Variants in ATP8A1 observed in about 807,000 individuals in gnomAD.
ATP8A1 encodes the protein ATPase phospholipid transporting 8A1.
ATP8A1 carries 90 observed loss-of-function variants against 177.7 expected under a neutral mutation model. That is an observed-to-expected ratio of 0.51 (90% confidence interval 0.43 to 0.60). The LOEUF (loss-of-function observed/expected upper bound fraction) is 0.60. Ranked by LOEUF, ATP8A1 falls within the 20% of genes least tolerant of loss-of-function variation. The pLI, the probability that ATP8A1 is intolerant of heterozygous loss-of-function variation, is 0.00. For synonymous variants in ATP8A1, 493 were observed against 485.9 expected (o/e 1.01, Z -0.19); for missense variants, 1,072 against 1,392.8 (o/e 0.77, Z 3.67).
At chr4:42,636,156 A>ACACACACGCGCGTGCGCGCGCGCG (rs565139270) in intron 1 of ATP8A1, among the ~76,000 whole-genome samples, 6 of 90,898 alleles carry the variant, frequency 6.6e-5, no homozygotes, top group Admixed American at 1.2e-4. Flanking sequence ...ACACACACAC[A>ACACACACGCGCGTGCGCGCGCGCG]CGCACACACA....
chr4:42,442,743 G>T (rs1245954748), intron 33 of ATP8A1, among the ~76,000 whole-genome samples: 1 of 152,168 alleles, frequency 6.6e-6, no homozygotes, highest in Non-Finnish European at 1.5e-5. Flanking sequence ...GCAGTACTTA[G>T]GGGCAACAAA....
intron 7 of ATP8A1, 99 bp downstream of exon 7, chr4:42,590,712 G>C: frequency 9.2e-7 from 1 of 1,090,716 alleles, no homozygotes; most frequent in South Asian, 1.4e-5. Flanking sequence ...GTGTTTTAAA[G>C]GAAGAGACAC....
At chr4:42,487,171 T>C (rs1722281425) in intron 24 of ATP8A1, among the ~76,000 whole-genome samples, 1 of 152,200 alleles carries the variant, frequency 6.6e-6, no homozygotes, top group Non-Finnish European at 1.5e-5. Context: ...CTTGGTAATC[T>C]TGATGGATCA....
chr4:42,513,650 C>T (rs1268856155), intron 22 of ATP8A1, among the ~76,000 whole-genome samples: 2 of 151,966 alleles, frequency 1.3e-5, no homozygotes, highest in Non-Finnish European at 2.9e-5. Flanking sequence ...GATGAAGTGA[C>T]GTGTGGCAGT....
At chr4:42,463,378 A>G (rs1360765739) in intron 27 of ATP8A1, among the ~76,000 whole-genome samples, 1 of 152,176 alleles carries the variant, frequency 6.6e-6, no homozygotes, top group Non-Finnish European at 1.5e-5. Flanking sequence ...GTTCCCCTGC[A>G]CAAGCTCTCT....
intron 25 of ATP8A1, among the ~76,000 whole-genome samples, chr4:42,468,705 TAC>T (rs776228584): frequency 1.2e-4 from 18 of 152,078 alleles, no homozygotes; most frequent in Non-Finnish European, 2.5e-4. Context: ...ACAAATTGGG[TAC>T]AGTGTATACT....
chr4:42,553,829 A>G (rs544601478), intron 16 of ATP8A1, among the ~76,000 whole-genome samples: 2 of 152,314 alleles, frequency 1.3e-5, no homozygotes, highest in South Asian at 4.1e-4. Context: ...ATATGCAAAT[A>G]TCATGTAATG....
At chr4:42,613,575 T>TTA in intron 5 of ATP8A1, among the ~76,000 whole-genome samples, 1 of 152,184 alleles carries the variant, frequency 6.6e-6, no homozygotes, top group African/African-American at 2.4e-5. Flanking sequence ...TATTTTTTTT[T>TTA]ATTGTTGCAT....
chr4:42,466,917 G>A (rs1462378241), intron 25 of ATP8A1, among the ~76,000 whole-genome samples: 3 of 152,208 alleles, frequency 2.0e-5, no homozygotes, highest in Non-Finnish European at 4.4e-5. Flanking sequence ...ACCAATAAAT[G>A]ATCTAGAATG....
At chr4:42,576,902 G>C (rs1014102098) in intron 12 of ATP8A1, among the ~76,000 whole-genome samples, 19 of 152,220 alleles carry the variant, frequency 1.2e-4, no homozygotes, top group African/African-American at 4.6e-4. Context: ...CATGATAGCT[G>C]AGTTCAGATA....
intron 5 of ATP8A1, among the ~76,000 whole-genome samples, chr4:42,608,627 G>A (rs28455737): frequency 0.23 from 34,207 of 152,024 alleles, 4,338 homozygotes; most frequent in Non-Finnish European, 0.29. Context: ...CAAAGTGCTG[G>A]GATTACAGGC....
At chr4:42,642,249 T>C (rs912705364) in intron 1 of ATP8A1, among the ~76,000 whole-genome samples, 1 of 152,008 alleles carries the variant, frequency 6.6e-6, no homozygotes, top group African/African-American at 2.4e-5. Context: ...TAAACAAAGC[T>C]AGAAAAAGAG....
chr4:42,596,581 C>T (rs1341532888), intron 6 of ATP8A1, among the ~76,000 whole-genome samples: 2 of 147,326 alleles, frequency 1.4e-5, no homozygotes, highest in East Asian at 2.0e-4. Flanking sequence ...GCAGGAGAAA[C>T]GTTTGAACCC....
intron 27 of ATP8A1, among the ~76,000 whole-genome samples, chr4:42,463,253 T>C (rs1019492366): frequency 2.0e-5 from 3 of 152,176 alleles, no homozygotes; most frequent in African/African-American, 4.8e-5. Flanking sequence ...TGAATTCCCA[T>C]GTGTTGTGGG....
chr4:42,496,448 G>A (rs1723278723), intron 24 of ATP8A1, among the ~76,000 whole-genome samples: 1 of 152,140 alleles, frequency 6.6e-6, no homozygotes, highest in Non-Finnish European at 1.5e-5. Flanking sequence ...GAGGAACTGG[G>A]TAGGCAGACA....
intron 25 of ATP8A1, among the ~76,000 whole-genome samples, chr4:42,468,668 C>T (rs916018503): frequency 1.1e-4 from 16 of 151,954 alleles, no homozygotes; most frequent in Non-Finnish European, 2.4e-4. Context: ...ACTTTGGGGA[C>T]TCAGGGGAAA....
At chr4:42,471,311 T>C (rs1720379105) in intron 25 of ATP8A1, among the ~76,000 whole-genome samples, 3 of 152,194 alleles carry the variant, frequency 2.0e-5, no homozygotes, top group South Asian at 2.1e-4. Flanking sequence ...TGTGCAGTCA[T>C]AGGCATTCAG....
chr4:42,628,281 T>C (rs1577731372), intron 1 of ATP8A1, among the ~76,000 whole-genome samples: 1 of 152,164 alleles, frequency 6.6e-6, no homozygotes, highest in Non-Finnish European at 1.5e-5. Context: ...TGGGGTTTGT[T>C]ATAGTATGAA....
At chr4:42,596,973 T>C (rs1734783073) in intron 6 of ATP8A1, among the ~76,000 whole-genome samples, 1 of 152,202 alleles carries the variant, frequency 6.6e-6, no homozygotes, top group South Asian at 2.1e-4. Context: ...GCTTTGTGAT[T>C]ACCATACTTT....
Sources: gnomAD v4.1 joint callset for allele counts (sites outside exome capture counted in the v4.1 genomes callset) on GRCh38, gnomAD v4.1.1 for gene constraint, MANE v1.5 for transcripts, NCBI Gene and HGNC (gene_info 2026-07-23, HGNC 2026-07-21) for gene names.